The following LAMA2 variants were observed in gnomAD, a reference collection of about 807,000 sequenced individuals.
LAMA2 encodes laminin subunit alpha 2.
LAMA2 carries 269 observed loss-of-function variants against 364.8 expected under a neutral mutation model. That is an observed-to-expected ratio of 0.74 (90% confidence interval 0.67 to 0.82). The LOEUF (loss-of-function observed/expected upper bound fraction) is 0.82. LAMA2 is among the 40% of genes least tolerant of loss of function. The pLI is 0.00. For synonymous variants in LAMA2, 1,379 were observed against 1,370.6 expected (o/e 1.01, Z -0.14); for missense variants, 3,807 against 3,873.2 (o/e 0.98, Z 0.45).
chr6:129,126,963 A>G (rs533714832), intron 4 of LAMA2, among the ~76,000 whole-genome samples: 1 of 152,260 alleles, frequency 6.6e-6, no homozygotes, highest in South Asian at 2.1e-4. Context: ...GCGACTTCGG[A>G]GGTTGAGCTG....
intron 37 of LAMA2, among the ~76,000 whole-genome samples, chr6:129,394,600 AC>A (rs1779503260): frequency 6.6e-6 from 1 of 152,160 alleles, no homozygotes; most frequent in Non-Finnish European, 1.5e-5. Flanking sequence ...ATGCTGGGCC[AC>A]TGTCCTGTCA....
rs759973830 is a variant in LAMA2 at position 129,280,087 on chromosome 6, G to C, written c.2477G>C (p.Arg826Pro). Residue 826 changes from arginine (R) to proline (P), a missense_variant, in exon 18 of 65, where the codon CGG becomes CCG. By Grantham distance (103) the Arg-to-Pro change is moderately radical. This residue lies in a region of LAMA2 where 3,333 missense variants were observed against 3,345.7 expected (regional missense o/e 1.00). Transcript: ENST00000421865. The part of the protein sequence containing the change: ...NNFSPTCHLD[R>P]SLGLICDGCP... ...TTTAGCCCAACGTGCCATTTAGACCGGAGTCTTGGATTGATCTGTGATGGA... is the reference window on the plus strand; with the variant it reads ...TTTAGCCCAACGTGCCATTTAGACCCGAGTCTTGGATTGATCTGTGATGGA... 3.1e-6 allele frequency: 5 copies of C among 1,613,134 alleles called. No individual in the cohort carries two copies. Among genetic ancestry groups the C allele is most frequent in the Non-Finnish European group, 4.2e-6 (5 of 1,179,400 alleles).
rs570232763 is a variant in LAMA2, at chr6:128,983,527, T to C, written c.113-66391T>C. 3.9e-5 allele frequency among the ~76,000 whole-genome samples: 6 copies of C among 152,296 alleles called. No individual in the cohort carries two copies. In the South Asian group the frequency reaches 1.2e-3, roughly 32 times the overall value. On this transcript the variant is annotated intron_variant, in intron 1 of 64. Transcript: ENST00000421865. ...ATGAAAGAGTGAATGGCCACTGTCT[T>C]GAGGAAATGGGAGTATTCTAGATGC...
rs534967077 is a variant in LAMA2, at chr6:129,190,455, T to C, written c.1608+110T>C. 3.6e-6 allele frequency: 4 copies of C among 1,125,710 alleles called. No homozygotes were observed. The East Asian group carries it at 7.7e-5, about 22-fold the overall frequency. The allele number at this position is 1,125,710 out of a possible 1,614,324, so 69.7% of individuals were successfully genotyped here. ...CTGATAGTGAACTTCTACATAAAGT[T>C]ACAGGAAGAAGTAATGGAATTTTCT... On this transcript the variant is annotated intron_variant, in intron 11 of 64. Coordinates refer to ENST00000421865, the MANE Select transcript of LAMA2 (RefSeq NM_000426.4).
At chr6:129,205,493 T>TATATATATATATATATACAC (rs1343472728) in intron 12 of LAMA2, among the ~76,000 whole-genome samples, 10 of 104,266 alleles carry the variant, frequency 9.6e-5, no homozygotes, top group Admixed American at 5.2e-4. Flanking sequence ...TATATATATA[T>TATATATATATATATATACAC]ACACACACAC....
rs184780287 is a variant in LAMA2 at position 129,016,639 on chromosome 6, T to G, written c.113-33279T>G. ...ATTCAAAAATAGATGCAATTCAACT[T>G]TCATGCTAGATAGAAGTCAGGATAC... On this transcript the variant is annotated intron_variant, in intron 1 of 64. Coordinates refer to ENST00000421865, the MANE Select transcript of LAMA2 (RefSeq NM_000426.4). 1.4e-4 allele frequency among the ~76,000 whole-genome samples: 21 copies of G among 151,998 alleles called. No individual in the cohort carries two copies. The Middle Eastern group carries it at 0.01, about 74-fold the overall frequency.
chr6:128,930,131 C>T (rs1369397541), intron 1 of LAMA2: 4 of 275,030 alleles, frequency 1.5e-5, no homozygotes, highest in Non-Finnish European at 2.7e-5. Flanking sequence ...CCGGCAGCTA[C>T]AGCCACTCTG....
At chr6:129,432,904 C>T (rs1781666468) in intron 41 of LAMA2, among the ~76,000 whole-genome samples, 1 of 152,140 alleles carries the variant, frequency 6.6e-6, no homozygotes, top group African/African-American at 2.4e-5. Context: ...ACTATGACCC[C>T]CTAGTGGGAG....
chr6:129,379,811 C>G (rs1778581164), intron 34 of LAMA2, among the ~76,000 whole-genome samples: 1 of 152,134 alleles, frequency 6.6e-6, no homozygotes, highest in Non-Finnish European at 1.5e-5. Flanking sequence ...TAAAAAATGC[C>G]CAGAAAATTG....
At chr6:128,934,290 A>G (rs577257561) in intron 1 of LAMA2, among the ~76,000 whole-genome samples, 69 of 152,076 alleles carry the variant, frequency 4.5e-4, no homozygotes, top group Admixed American at 8.5e-4. Context: ...TCATTGGTCT[A>G]TATGTCTGTT....
intron 1 of LAMA2, among the ~76,000 whole-genome samples, chr6:128,955,706 T>C (rs1376104020): frequency 1.3e-5 from 2 of 152,068 alleles, no homozygotes; most frequent in South Asian, 2.1e-4. Context: ...CATTGGTCAA[T>C]ACATCACATT....
chr6:128,922,098 A>T (rs1724345305), intron 1 of LAMA2, among the ~76,000 whole-genome samples: 1 of 151,964 alleles, frequency 6.6e-6, no homozygotes, highest in Admixed American at 6.6e-5. Context: ...TTCTTAATCT[A>T]GTCTATCTTT....
intron 3 of LAMA2, among the ~76,000 whole-genome samples, chr6:129,079,259 T>C (rs1351488948): frequency 6.6e-6 from 1 of 152,174 alleles, no homozygotes; most frequent in Non-Finnish European, 1.5e-5. Flanking sequence ...TATTATATTG[T>C]TGTATTTTTT....
chr6:129,261,210 T>C (rs1266358892), intron 15 of LAMA2, among the ~76,000 whole-genome samples: 1 of 152,118 alleles, frequency 6.6e-6, no homozygotes, highest in African/African-American at 2.4e-5. Flanking sequence ...TTTTTAATTC[T>C]GTATCACACT....
chr6:129,239,467 C>G (rs1294758359), intron 12 of LAMA2, among the ~76,000 whole-genome samples: 1 of 152,176 alleles, frequency 6.6e-6, no homozygotes, highest in Non-Finnish European at 1.5e-5. Context: ...ATAGAAATTT[C>G]AGTGGACTAA....
intron 1 of LAMA2, among the ~76,000 whole-genome samples, chr6:128,890,542 TACACACACAC>T (rs56972149): frequency 4.8e-4 from 71 of 147,434 alleles, no homozygotes; most frequent in Non-Finnish European, 7.5e-4. Flanking sequence ...TTCATTTAAA[TACACACACAC>T]ACACACACAC....
At position 129,349,369 on chromosome 6, in the gene LAMA2, G is replaced by A; in HGVS notation, c.4508G>A (p.Gly1503Asp). ...RCTACPRGYEGQYCERCAPGY... is the reference protein window; with the variant it reads ...RCTACPRGYEDQYCERCAPGY... ...ACGGCTTGTCCACGGGGATATGAAG[G>A]CCAGTACTGTGAAAGGTACCAACAG... is the stretch of plus-strand genomic sequence containing the variant. The change falls in exon 31 of 65, where the codon GGC becomes GAC. Residue 1503 changes from glycine (G) to aspartate (D), a missense_variant. Coordinates refer to ENST00000421865, the MANE Select transcript of LAMA2 (RefSeq NM_000426.4). The A allele has an allele frequency of 6.2e-7, 1 of 1,613,246 alleles. No individual in the cohort carries two copies. Among genetic ancestry groups the A allele is most frequent in the Non-Finnish European group, 8.5e-7 (1 of 1,179,332 alleles).
intron 3 of LAMA2, among the ~76,000 whole-genome samples, chr6:129,089,182 C>T (rs550264587): frequency 5.9e-5 from 9 of 152,334 alleles, no homozygotes; most frequent in Admixed American, 4.6e-4. Flanking sequence ...TGACTCTGAT[C>T]TGTTGAAAGA....
Position 129,177,739 on chromosome 6 carries a change from G to A in LAMA2, c.1340G>A (p.Gly447Asp). 1 of 1,613,984 alleles carries A rather than the reference G, an allele frequency of 6.2e-7. No individual in the cohort carries two copies. The highest frequency in any genetic ancestry group is 1.1e-5 in the South Asian group (1 of 91,090). The stretch of plus-strand genomic sequence containing the variant: ...CCTGGATCCTGTCATTGCAAAACTG[G>A]TTTTGGAGGTGTGAGCTGTGATCGG... ...LAPGSCHCKT[G>D]FGGVSCDRCA... The change falls in exon 10 of 65, where the codon GGT becomes GAT. Residue 447 changes from glycine (G) to aspartate (D), a missense_variant. Physicochemically the swap from Gly to Asp is moderately conservative, Grantham distance 94. Coordinates refer to ENST00000421865, the MANE Select transcript of LAMA2 (RefSeq NM_000426.4).
Sources: gnomAD v4.1 joint callset for allele counts (sites outside exome capture counted in the v4.1 genomes callset) on GRCh38, gnomAD v4.1.1 for gene constraint, gnomAD v4.1.1 regional missense constraint, MANE v1.5 for transcripts, NCBI Gene and HGNC (gene_info 2026-07-23, HGNC 2026-07-21) for gene names.